TFE3: variants seen among roughly 807,000 people sequenced by gnomAD.
TFE3 encodes the protein transcription factor binding to IGHM enhancer 3, also known as transcription factor E3.
Under a neutral mutation model 35.0 loss-of-function variants are expected in TFE3, and 5 were observed. The ratio of observed to expected loss-of-function variants is 0.14; its 90% CI spans 0.07 to 0.30. TFE3 has a LOEUF of 0.30. Ranked by LOEUF, TFE3 falls within the 10% of genes least tolerant of loss-of-function variation. TFE3 has a pLI of 1.00. For synonymous variants in TFE3, 211 were observed against 215.6 expected, an observed-to-expected ratio of 0.98 and a Z score of 0.18; for missense variants, 374 against 496.6, an observed-to-expected ratio of 0.75 and a Z score of 2.35.
chrX:49,036,819 A>T (rs782205895), intron 5 of TFE3, among the ~76,000 whole-genome samples: 2 of 111,419 alleles, frequency 1.8e-5, no homozygotes, highest in Admixed American at 1.9e-4. Flanking sequence ...AAATAAATAA[A>T]TATAATAAAG....
chrX:49,039,499 C>T, intron 2 of TFE3, 89 bp from the exon 3 acceptor site: 1 of 989,036 alleles, frequency 1.0e-6, no homozygotes, highest in Non-Finnish European at 1.3e-6. Context: ...GGAGCAGACA[C>T]AGGAACCAGG....
chrX:49,038,356 G>C lies in TFE3; in HGVS notation c.621C>G (p.Leu207=). ...GGGCCTGGGAAGCCAGCTTGGGCCC[G>C]AGTGTGGTGGACAGGTACTGTTTCA... ...QQVKQYLSTT[L]GPKLASQALT... is the part of the protein sequence containing the mutation. Residue 207 remains leucine (L), a synonymous_variant, in exon 4 of 10, where the codon CTC becomes CTG. Coordinates refer to ENST00000315869, the MANE Select transcript of TFE3 (RefSeq NM_006521.6). 1 of 1,206,431 alleles carries C rather than the reference G, an allele frequency of 8.3e-7. No individual in the cohort carries two copies. The highest frequency in any genetic ancestry group is 1.1e-6 in the Non-Finnish European group (1 of 894,164).
rs1375785127 is a variant in TFE3, at chrX:49,034,072, G to GT, written c.1003+61dup. ...AGAATCAGGCCCATCTCTAGACCTG[G>GT]TAGGCACAGGGCTCACCTGGGGTAA... On this transcript the variant is annotated intron_variant, in intron 6 of 9. Transcript: ENST00000315869. 42 of 970,056 alleles carry GT rather than the reference G, an allele frequency of 4.3e-5. No individual in the cohort carries two copies. In the African/African-American group the frequency reaches 7.2e-4, roughly 17 times the overall value. The allele number at this position is 970,056 out of a possible 1,213,427, so 79.9% of individuals were successfully genotyped here.
chrX:49,038,567 GC>G, intron 3 of TFE3, 125 bp from the exon 4 acceptor site: 1 of 911,165 alleles, frequency 1.1e-6, no homozygotes, highest in Non-Finnish European at 1.5e-6. Flanking sequence ...GACAAGCTGG[GC>G]CCAGAATCTG....
At position 49,034,389 on chromosome X, in the gene TFE3, C is replaced by T; in HGVS notation, c.886-138G>A. 5 of 477,412 alleles carry T rather than the reference C, an allele frequency of 1.0e-5. No homozygotes were observed. The South Asian group carries it at 1.5e-4, about 14-fold the overall frequency. 39.3% of individuals were successfully genotyped at this position (477,412 alleles called of 1,213,427 possible). A position where few individuals can be genotyped will look rare whatever the true frequency, so the allele number is the denominator to read the frequency against. On this transcript the variant is annotated intron_variant, in intron 5 of 9. Coordinates refer to ENST00000315869, the MANE Select transcript of TFE3 (RefSeq NM_006521.6). ...ATGCAAGGACTGGCTGACTCAGCACCAGAACCCTTGCTTCTCCTTCAAGGC... is the reference window on the plus strand; with the variant it reads ...ATGCAAGGACTGGCTGACTCAGCACTAGAACCCTTGCTTCTCCTTCAAGGC...
intron 8 of TFE3, among the ~76,000 whole-genome samples, chrX:49,032,247 C>T (rs973839793): frequency 3.6e-5 from 4 of 110,344 alleles, no homozygotes; most frequent in African/African-American, 6.6e-5. Context: ...TTTTGCGGGG[C>T]GGTGGGGGAT....
chrX:49,037,910 C>G (rs1180128089), intron 5 of TFE3, 100 bp downstream of exon 5: 41 of 757,645 alleles, frequency 5.4e-5, no homozygotes, highest in Non-Finnish European at 8.0e-5. Flanking sequence ...TTAGCACAAT[C>G]AAGGCAAGGG....
intron 2 of TFE3, among the ~76,000 whole-genome samples, chrX:49,040,101 T>C (rs782198411): frequency 9.1e-6 from 1 of 109,381 alleles, no homozygotes; most frequent in Non-Finnish European, 1.9e-5. Context: ...AGGGACTGAG[T>C]TGGGGCTAGA....
chrX:49,033,988 G>A, intron 6 of TFE3, 146 bp downstream of exon 6: 2 of 610,416 alleles, frequency 3.3e-6, no homozygotes, highest in East Asian at 3.5e-5. Context: ...AAGACCACAA[G>A]CCATAGGGGG....
Position 49,033,659 on chromosome X carries a change from G to C in TFE3, c.1060+67C>G, listed in dbSNP as rs2064712191. 6.7e-6 allele frequency: 8 copies of C among 1,188,837 alleles called. No individual in the cohort carries two copies. The Admixed American group carries it at 1.1e-4, about 16-fold the overall frequency. ...GTTGCAGGGAAGGAGTTCCCCATGG[G>C]GGGCCAGGACTCGGGGTGAGGCAGG... On this transcript the variant is annotated intron_variant, in intron 7 of 9. Coordinates refer to ENST00000315869, the MANE Select transcript of TFE3 (RefSeq NM_006521.6).
intron 8 of TFE3, among the ~76,000 whole-genome samples, chrX:49,032,406 T>A (rs1162344815): frequency 1.9e-4 from 21 of 110,696 alleles, no homozygotes; most frequent in South Asian, 3.8e-4. Context: ...AGCTAATTTT[T>A]TTTGTATTTT....
At chrX:49,033,387 CCCA>C (rs2064710533) in intron 8 of TFE3, 75 bp downstream of exon 8, 1 of 970,617 alleles carries the variant, frequency 1.0e-6, no homozygotes, top group Non-Finnish European at 1.4e-6. Flanking sequence ...GCCTGGTGAG[CCCA>C]CCAAGGCACA....
chrX:49,039,712 A>C, intron 2 of TFE3: 1 of 239,841 alleles, frequency 4.2e-6, no homozygotes, highest in Non-Finnish European at 7.4e-6. Context: ...TCAGCTCTGC[A>C]AGGGGGGGTT....
intron 5 of TFE3, among the ~76,000 whole-genome samples, chrX:49,036,861 C>A (rs979421018): frequency 9.0e-6 from 1 of 111,680 alleles, no homozygotes. Context: ...TGTTCAAAAC[C>A]AGAATGTTAC....
chrX:49,029,804 G>A lies in TFE3; in HGVS notation c.*354C>T, dbSNP rs781826791. 4 of 474,239 alleles carry A rather than the reference G, an allele frequency of 8.4e-6. No individual in the cohort carries two copies. The highest frequency in any genetic ancestry group is 8.3e-5 in the East Asian group (2 of 23,972). The allele number at this position is 474,239 out of a possible 1,213,427, so 39.1% of individuals were successfully genotyped here. A position where few individuals can be genotyped will look rare whatever the true frequency, so the allele number is the denominator to read the frequency against. On this transcript the variant is annotated 3_prime_UTR_variant, in exon 10 of 10. Coordinates refer to ENST00000315869, the MANE Select transcript of TFE3 (RefSeq NM_006521.6). ...GGAGACCTGGCTAGGACAGTCCCTA[G>A]GGGACAGGGTCGAGACCTCATCCTG...
chrX:49,033,370 C>T (rs1348899240), intron 8 of TFE3, 95 bp downstream of exon 8: 14 of 816,982 alleles, frequency 1.7e-5, no homozygotes, highest in Admixed American at 2.6e-5. Flanking sequence ...ATGCCTGGGC[C>T]GAGACTGCCT....
intron 1 of TFE3, among the ~76,000 whole-genome samples, chrX:49,041,173 C>T (rs907283460): frequency 9.0e-6 from 1 of 110,857 alleles, no homozygotes; most frequent in Admixed American, 9.7e-5. Flanking sequence ...CCTCAAGATC[C>T]GCTTGCCTCG....
In TFE3 at chrX:49,030,270, C is replaced by T; in HGVS notation, c.1616G>A (p.Gly539Asp). 3 of 1,206,453 alleles carry T rather than the reference C, an allele frequency of 2.5e-6. No individual in the cohort carries two copies. The highest frequency in any genetic ancestry group is 3.4e-6 in the Non-Finnish European group (3 of 892,423). The change falls in exon 10 of 10, where the codon GGT becomes GAT. Residue 539 changes from glycine (G) to aspartate (D), a missense_variant. This residue lies in a region of TFE3 where 117 missense variants were observed against 111.9 expected (regional missense o/e 1.05). Coordinates refer to ENST00000315869, the MANE Select transcript of TFE3 (RefSeq NM_006521.6). The stretch of plus-strand genomic sequence containing the variant: ...GGCAGCCCGCAGTGGGGACAGGGCA[C>T]CCCCCGACAGTCCTCCCACCACCCC... ...EEGVVGGLSG[G>D]ALSPLRAASD...
At chrX:49,034,524 A>G (rs1206412434) in intron 5 of TFE3, among the ~76,000 whole-genome samples, 1 of 111,293 alleles carries the variant, frequency 9.0e-6, no homozygotes, top group Non-Finnish European at 1.9e-5. Flanking sequence ...AGTCCCTCAT[A>G]TCCCTCAGTG....
Sources: gnomAD v4.1 joint callset for allele counts (sites outside exome capture counted in the v4.1 genomes callset) on GRCh38, gnomAD v4.1.1 for gene constraint, gnomAD v4.1.1 regional missense constraint, MANE v1.5 for transcripts, NCBI Gene and HGNC (gene_info 2026-07-23, HGNC 2026-07-21) for gene names.